ELMOD1: variants seen among roughly 807,000 people sequenced by gnomAD.
ELMOD1 encodes ELMO domain containing 1.
Under a neutral mutation model 46.7 loss-of-function variants are expected in ELMOD1, and 21 were observed. The ratio of observed to expected loss-of-function variants is 0.45; its 90% CI spans 0.32 to 0.65. The LOEUF (loss-of-function observed/expected upper bound fraction) is 0.65, where lower values mean the gene tolerates loss of function less well. Ranked by LOEUF, ELMOD1 falls within the 30% of genes least tolerant of loss-of-function variation. ELMOD1 has a pLI of 0.04. For missense variants in ELMOD1, 348 were observed against 407.8 expected (o/e 0.85, Z 1.26); for synonymous variants, 122 against 138.2 (o/e 0.88, Z 0.82).
At chr11:107,608,233 A>C (rs1044926572) in intron 1 of ELMOD1, among the ~76,000 whole-genome samples, 2 of 152,130 alleles carry the variant, frequency 1.3e-5, no homozygotes, top group Non-Finnish European at 2.9e-5. Flanking sequence ...CAATTAGGGA[A>C]ACCTAAAGGA....
chr11:107,597,256 A>G (rs1439996434), intron 1 of ELMOD1, among the ~76,000 whole-genome samples: 1 of 152,218 alleles, frequency 6.6e-6, no homozygotes, highest in Non-Finnish European at 1.5e-5. Flanking sequence ...CTAAGATTAT[A>G]TTTTAAAAGG....
At chr11:107,606,091 G>A (rs981221109) in intron 1 of ELMOD1, among the ~76,000 whole-genome samples, 2 of 151,322 alleles carry the variant, frequency 1.3e-5, no homozygotes, top group Admixed American at 1.3e-4. Flanking sequence ...CTCTCATTTT[G>A]TTTCATGTAG....
intron 11 of ELMOD1, among the ~76,000 whole-genome samples, chr11:107,659,098 A>G (rs1156774345): frequency 6.6e-6 from 1 of 152,190 alleles, no homozygotes; most frequent in African/African-American, 2.4e-5. Flanking sequence ...GCCATAAAGC[A>G]AAAGAGTATG....
At chr11:107,644,483 CTTTTTTTTT>C (rs1259681621) in intron 6 of ELMOD1, among the ~76,000 whole-genome samples, 9 of 149,934 alleles carry the variant, frequency 6.0e-5, no homozygotes, top group Admixed American at 5.3e-4. Flanking sequence ...ACTTTTTTTT[CTTTTTTTTT>C]GAGACAGAGT....
At chr11:107,634,642 A>G (rs897855786) in intron 5 of ELMOD1, among the ~76,000 whole-genome samples, 1 of 152,108 alleles carries the variant, frequency 6.6e-6, no homozygotes, top group Non-Finnish European at 1.5e-5. Flanking sequence ...TCGGGAGGCT[A>G]GGGCAGGAGA....
At chr11:107,624,227 T>C (rs987561422) in intron 2 of ELMOD1, among the ~76,000 whole-genome samples, 1 of 152,256 alleles carries the variant, frequency 6.6e-6, no homozygotes, top group Non-Finnish European at 1.5e-5. Context: ...TAAAAGTTTA[T>C]ATTTGAGGTT....
chr11:107,626,312 G>A (rs1174528374), intron 2 of ELMOD1, among the ~76,000 whole-genome samples: 1 of 146,314 alleles, frequency 6.8e-6, no homozygotes, highest in Non-Finnish European at 1.5e-5. Flanking sequence ...TGGTACAAGA[G>A]ACAGTAAGTG....
chr11:107,595,215 G>C (rs1369816101), intron 1 of ELMOD1, among the ~76,000 whole-genome samples: 2 of 150,940 alleles, frequency 1.3e-5, no homozygotes, highest in Non-Finnish European at 3.0e-5. Flanking sequence ...CCATATGTGT[G>C]GTTAAATTTC....
At chr11:107,611,405 T>C (rs1865777637) in intron 1 of ELMOD1, among the ~76,000 whole-genome samples, 1 of 151,932 alleles carries the variant, frequency 6.6e-6, no homozygotes, top group Non-Finnish European at 1.5e-5. Context: ...ATCACCTCAT[T>C]AAAAAGTGGC....
At chr11:107,642,299 G>C (rs1263940808) in intron 6 of ELMOD1, among the ~76,000 whole-genome samples, 1 of 151,926 alleles carries the variant, frequency 6.6e-6, no homozygotes, top group Non-Finnish European at 1.5e-5. Flanking sequence ...CCAATATTTG[G>C]TTAGCAGCAA....
intron 6 of ELMOD1, among the ~76,000 whole-genome samples, chr11:107,644,537 C>CG: frequency 6.6e-6 from 1 of 152,018 alleles, no homozygotes; most frequent in East Asian, 1.9e-4. Context: ...TGCAGTGGCA[C>CG]GATCTCGGCT....
At chr11:107,595,297 C>T (rs1339818850) in intron 1 of ELMOD1, among the ~76,000 whole-genome samples, 1 of 152,042 alleles carries the variant, frequency 6.6e-6, no homozygotes, top group African/African-American at 2.4e-5. Context: ...CTAAGTAGCT[C>T]ATTAGGGTCT....
intron 1 of ELMOD1, among the ~76,000 whole-genome samples, chr11:107,610,998 C>CAAAAAAAAAAAAAAA (rs58417281): frequency 3.1e-5 from 3 of 95,772 alleles, no homozygotes; most frequent in Non-Finnish European, 4.2e-5. Context: ...TGTAAGAATC[C>CAAAAAAAAAAAAAAA]AAAAAAAAAA....
chr11:107,622,452 A>G, intron 2 of ELMOD1, among the ~76,000 whole-genome samples: 1 of 152,234 alleles, frequency 6.6e-6, no homozygotes, highest in East Asian at 1.9e-4. Context: ...GAGCACCTCA[A>G]AGAGGAAGGA....
Position 107,656,010 on chromosome 11 carries a change from A to G in ELMOD1, c.776A>G (p.His259Arg), listed in dbSNP as rs1866624535. 1 of 1,573,344 alleles carries G rather than the reference A, an allele frequency of 6.4e-7. No homozygotes were observed. Among genetic ancestry groups the G allele is most frequent in the Admixed American group, 1.9e-5 (1 of 53,114 alleles). Residue 259 changes from histidine to arginine, a missense_variant, in exon 11 of 12, where the codon CAT (histidine) becomes CGT (arginine). By Grantham distance (29) the His-to-Arg change is conservative. Transcript: ENST00000265840. ...CTGGTCAGCGGAGCTCTAAAAACCC[A>G]TTTCTACAATATCGCCCCAGAAGCT... is the stretch of plus-strand genomic sequence containing the variant. The part of the protein sequence containing the change: ...NLLVSGALKT[H>R]FYNIAPEAPT...
At chr11:107,614,307 T>G (rs1329168842) in intron 1 of ELMOD1, among the ~76,000 whole-genome samples, 2 of 152,214 alleles carry the variant, frequency 1.3e-5, no homozygotes, top group Non-Finnish European at 2.9e-5. Flanking sequence ...TTATTCCTCA[T>G]ATTACAATTT....
chr11:107,624,772 T>G (rs1591116336), intron 2 of ELMOD1, among the ~76,000 whole-genome samples: 1 of 152,232 alleles, frequency 6.6e-6, no homozygotes, highest in Admixed American at 6.5e-5. Flanking sequence ...TAATTTATTT[T>G]AATTATTACA....
intron 6 of ELMOD1, among the ~76,000 whole-genome samples, chr11:107,640,760 A>C (rs1866307126): frequency 1.3e-5 from 2 of 152,222 alleles, no homozygotes; most frequent in African/African-American, 4.8e-5. Context: ...TTAGCAATAA[A>C]ACCTTCTGTG....
intron 2 of ELMOD1, among the ~76,000 whole-genome samples, chr11:107,624,736 T>C (rs1050349630): frequency 1.3e-5 from 2 of 152,216 alleles, no homozygotes; most frequent in African/African-American, 4.8e-5. Context: ...TCCTTTTCTT[T>C]GAAAGGAAAG....
Sources: gnomAD v4.1 joint callset for allele counts (sites outside exome capture counted in the v4.1 genomes callset) on GRCh38, gnomAD v4.1.1 for gene constraint, MANE v1.5 for transcripts, NCBI Gene and HGNC (gene_info 2026-07-23, HGNC 2026-07-21) for gene names.